Variants in MEF2D observed in about 807,000 individuals in gnomAD.
The protein encoded by MEF2D is myocyte-specific enhancer factor 2D.
In MEF2D, 10 loss-of-function variants were observed where a neutral mutation model predicts 59.3. The ratio of observed to expected loss-of-function variants is 0.17; its 90% CI spans 0.10 to 0.29. The LOEUF (loss-of-function observed/expected upper bound fraction) is 0.29, where lower values mean the gene tolerates loss of function less well. Ranked by LOEUF, MEF2D falls within the 10% of genes least tolerant of loss-of-function variation. The pLI is 1.00. For synonymous variants in MEF2D, 305 were observed against 295.0 expected (o/e 1.03, Z -0.35); for missense variants, 508 against 699.4 (o/e 0.73, Z 3.09).
chr1:156,464,279 G>C lies in MEF2D; in HGVS notation c.*3366C>G, dbSNP rs1431860595. On this transcript the variant is annotated 3_prime_UTR_variant, in exon 12 of 12. Coordinates refer to ENST00000348159, the MANE Select transcript of MEF2D (RefSeq NM_005920.4). ...ATATATAGAGATATAGATATTTCTA[G>C]ATACACTTTTACATTTCTGTCTCTC... 6.6e-6 allele frequency: 1 copy of C among 151,406 alleles called. No homozygotes were observed. The highest frequency in any genetic ancestry group is 2.4e-5 in the African/African-American group (1 of 41,200). The allele number at this position is 151,406 out of a possible 1,614,324, so 9.4% of individuals were successfully genotyped here. A position where few individuals can be genotyped will look rare whatever the true frequency, so the allele number is the denominator to read the frequency against.
chr1:156,474,971 A>G (rs1671469505), intron 9 of MEF2D, 137 bp downstream of exon 9: 6 of 1,251,880 alleles, frequency 4.8e-6, no homozygotes, highest in African/African-American at 1.5e-5. Flanking sequence ...CCTGTTAACC[A>G]TAAGTAGGTG....
At chr1:156,488,994 A>C (rs1672563505) in intron 1 of MEF2D, among the ~76,000 whole-genome samples, 1 of 152,162 alleles carries the variant, frequency 6.6e-6, no homozygotes, top group Non-Finnish European at 1.5e-5. Flanking sequence ...GGCTCAAAGA[A>C]ACTACAGGGC....
chr1:156,475,946 G>C (rs1671545990), intron 8 of MEF2D, among the ~76,000 whole-genome samples: 1 of 152,188 alleles, frequency 6.6e-6, no homozygotes, highest in African/African-American at 2.4e-5. Context: ...AAGTTCAGGA[G>C]GGAGCACAGG....
chr1:156,474,994 A>G, intron 9 of MEF2D, 114 bp downstream of exon 9: 2 of 1,478,392 alleles, frequency 1.4e-6, no homozygotes, highest in East Asian at 4.7e-5. Context: ...GGTTCCCCCA[A>G]ATCAGTAGCC....
At chr1:156,472,172 C>T (rs181484882) in intron 9 of MEF2D, among the ~76,000 whole-genome samples, 7 of 152,344 alleles carry the variant, frequency 4.6e-5, no homozygotes, top group East Asian at 1.9e-4. Context: ...AGCTGCCCTC[C>T]GCCAACTGTC....
intron 1 of MEF2D, among the ~76,000 whole-genome samples, chr1:156,495,102 GC>G (rs1673052020): frequency 6.6e-6 from 1 of 152,142 alleles, no homozygotes; most frequent in Non-Finnish European, 1.5e-5. Flanking sequence ...TCACACCCTT[GC>G]TTTGGGGGCT....
chr1:156,498,359 C>T (rs781418245), intron 1 of MEF2D, among the ~76,000 whole-genome samples: 4 of 152,116 alleles, frequency 2.6e-5, no homozygotes, highest in Non-Finnish European at 5.9e-5. Flanking sequence ...ATTCCCCATG[C>T]CCATCCCCCA....
chr1:156,481,334 G>A (rs759978034), intron 3 of MEF2D, among the ~76,000 whole-genome samples: 1 of 152,170 alleles, frequency 6.6e-6, no homozygotes, highest in African/African-American at 2.4e-5. Flanking sequence ...GTCCCTGCCC[G>A]ACCACCCTGT....
chr1:156,470,363 G>A (rs1244809702), intron 9 of MEF2D, among the ~76,000 whole-genome samples: 2 of 151,450 alleles, frequency 1.3e-5, no homozygotes, highest in Non-Finnish European at 2.9e-5. Context: ...AGGCTGCAAT[G>A]AGTGGAGATC....
chr1:156,476,870 TA>T, intron 7 of MEF2D, 141 bp downstream of exon 7: 1 of 1,025,046 alleles, frequency 9.8e-7, no homozygotes, highest in Non-Finnish European at 1.4e-6. Flanking sequence ...AAAAATCTCA[TA>T]AAAAGCCATG....
chr1:156,470,466 G>A (rs1286987754), intron 9 of MEF2D, among the ~76,000 whole-genome samples: 1 of 151,900 alleles, frequency 6.6e-6, no homozygotes, highest in Non-Finnish European at 1.5e-5. Context: ...TCCTCCCTGA[G>A]GCTGTACTGT....
chr1:156,469,947 A>G (rs924437621), intron 9 of MEF2D, among the ~76,000 whole-genome samples: 3 of 152,250 alleles, frequency 2.0e-5, no homozygotes, highest in Middle Eastern at 3.2e-3. Flanking sequence ...ATGGAAACAG[A>G]TAAGTAGAGA....
chr1:156,481,328 C>A (rs1224641699), intron 3 of MEF2D, among the ~76,000 whole-genome samples: 1 of 152,186 alleles, frequency 6.6e-6, no homozygotes. Flanking sequence ...GGATCAGTCC[C>A]TGCCCGACCA....
intron 1 of MEF2D, among the ~76,000 whole-genome samples, chr1:156,498,039 T>C (rs1275912373): frequency 8.8e-6 from 1 of 114,282 alleles, no homozygotes; most frequent in Non-Finnish European, 1.7e-5. Flanking sequence ...CTCCTTTAGC[T>C]CCCCCCAACC....
At chr1:156,492,794 T>G (rs1262759161) in intron 1 of MEF2D, among the ~76,000 whole-genome samples, 1 of 152,132 alleles carries the variant, frequency 6.6e-6, no homozygotes, top group Non-Finnish European at 1.5e-5. Context: ...GAAGTGAAAG[T>G]GGCAGCTGGG....
At position 156,473,346 on chromosome 1, in the gene MEF2D, G is replaced by A. The variant is rs190888422; in HGVS notation, c.1006+1762C>T. On this transcript the variant is annotated intron_variant, in intron 9 of 11. Transcript: ENST00000348159. ...CTGGATTTTTACATGTGGGGAGGAGGTGGGATTTTGTGGTTATTTGCACTG... is the reference window on the plus strand; with the variant it reads ...CTGGATTTTTACATGTGGGGAGGAGATGGGATTTTGTGGTTATTTGCACTG... Among the ~76,000 whole-genome samples, 992 of 152,288 alleles carry A rather than the reference G, an allele frequency of 6.5e-3. 37 individuals carry two copies. The highest frequency in any genetic ancestry group is 1.4e-3 in the Non-Finnish European group (97 of 68,016).
chr1:156,468,270 G>A lies in MEF2D; in HGVS notation c.1277C>T (p.Ala426Val). Residue 426 changes from alanine (A) to valine (V), a missense_variant, in exon 11 of 12, where the codon GCT becomes GTT. Physicochemically the swap from Ala to Val is moderately conservative, Grantham distance 64. This residue lies in a region of MEF2D where 481 missense variants were observed against 584.7 expected (regional missense o/e 0.82). Coordinates refer to ENST00000348159, the MANE Select transcript of MEF2D (RefSeq NM_005920.4). This position sits in a 1 kb window ranked among gnomAD's most constrained non-coding sequence, Gnocchi z 4.3. ...GGGGTGGGTGGTGACTGTGAGGGCA[G>A]CACCCACGTGGGGCAGGGGGCTGCC... ...IPGSPLPHVG[A>V]ALTVTTHPHI... 6.4e-7 allele frequency: 1 copy of A among 1,571,778 alleles called. No individual in the cohort carries two copies. The highest frequency in any genetic ancestry group is 2.2e-5 in the East Asian group (1 of 44,468).
rs375637192 is a variant in MEF2D, at chr1:156,468,965, C to A, written c.1062G>T (p.Gly354=). ...CAGTGACATTGCCTAGCGACAGCCC[C>A]CCAGGTGAACTAAAGGCTGGTAAGG... ...LSSLPAFSSP[G]GLSLGNVTAW... is the part of the protein sequence containing the mutation. The change falls in exon 10 of 12, where the codon GGG becomes GGT. Residue 354 remains glycine, a synonymous_variant. Coordinates refer to ENST00000348159, the MANE Select transcript of MEF2D (RefSeq NM_005920.4). The surrounding 1 kb of genome is among the most constrained non-coding windows in gnomAD (Gnocchi z 4.3). 9.0e-5 allele frequency: 146 copies of A among 1,613,342 alleles called. No individual in the cohort carries two copies. Among genetic ancestry groups the A allele is most frequent in the Non-Finnish European group, 1.1e-4 (134 of 1,179,520 alleles).
At position 156,475,234 on chromosome 1, in the gene MEF2D, T is replaced by C. The variant is rs1671490336; in HGVS notation, c.880A>G (p.Asn294Asp). The C allele has an allele frequency of 6.2e-7, 1 of 1,605,754 alleles. No individual in the cohort carries two copies. The highest frequency in any genetic ancestry group is 1.3e-5 in the African/African-American group (1 of 74,598). ...TGGGAGACCCCAAGGCGCTGGGCAT[T>C]GTTCTGTAGGAGAAAACTGTCCGTC... ...HLTEDHLDLN[N>D]AQRLGVSQST... Residue 294 changes from asparagine to aspartate, a missense_variant, in exon 9 of 12, where the codon AAT (asparagine) becomes GAT (aspartate). This residue lies in a region of MEF2D where 481 missense variants were observed against 584.7 expected (regional missense o/e 0.82). Transcript: ENST00000348159.
Sources: allele counts gnomAD v4.1 joint callset (sites outside exome capture counted in the v4.1 genomes callset), GRCh38; gene constraint gnomAD v4.1.1; regional missense constraint gnomAD v4.1.1; non-coding constraint Gnocchi (gnomAD v3.1); transcripts MANE v1.5; gene names NCBI Gene and HGNC (gene_info 2026-07-23, HGNC 2026-07-21).